Variants in XYLB observed in about 807,000 individuals in gnomAD.
XYLB encodes the protein xylulose kinase.
Under a neutral mutation model 78.7 loss-of-function variants are expected in XYLB, and 62 were observed. The ratio of observed to expected loss-of-function variants is 0.79; its 90% CI spans 0.64 to 0.97. The LOEUF (loss-of-function observed/expected upper bound fraction) is 0.97, where lower values mean the gene tolerates loss of function less well. XYLB is among the 50% of genes least tolerant of loss of function. XYLB has a pLI of 0.00. For synonymous variants in XYLB, 245 were observed against 247.4 expected, an observed-to-expected ratio of 0.99 and a Z score of 0.09; for missense variants, 687 against 676.8, an observed-to-expected ratio of 1.02 and a Z score of -0.17.
chr3:38,444,383 TATC>T, the XYLB span, among the ~76,000 whole-genome samples: 1 of 152,112 alleles, frequency 6.6e-6, no homozygotes, highest in Non-Finnish European at 1.5e-5. Context: ...AGAGGAGGCT[TATC>T]ATTAATAGGA....
At position 38,401,235 on chromosome 3, in the gene XYLB, C is replaced by T. The variant is rs539963808; in HGVS notation, c.1533+250C>T. On this transcript the variant is annotated intron_variant, in intron 18 of 18. Transcript: ENST00000207870. ...TATTTGTATTGCTTCTTATGCCTCA[C>T]GGTGGGCCCTTCCATGTCACTGGGC... 6.2e-4 allele frequency among the ~76,000 whole-genome samples: 95 copies of T among 152,220 alleles called. 1 individual carries two copies. Among genetic ancestry groups the T allele is most frequent in the Non-Finnish European group, 1.2e-3 (83 of 68,018 alleles).
At chr3:38,374,417 C>T (rs1295224890) in intron 10 of XYLB, 45 bp from the exon 11 acceptor site, 1 of 1,613,668 alleles carries the variant, frequency 6.2e-7, no homozygotes, top group Non-Finnish European at 8.5e-7. Flanking sequence ...CTTTGTGGTT[C>T]CCATGTGGCC....
intron 2 of XYLB, among the ~76,000 whole-genome samples, chr3:38,353,230 G>C (rs1282936017): frequency 1.3e-5 from 2 of 152,152 alleles, no homozygotes; most frequent in African/African-American, 4.8e-5. Flanking sequence ...ATCCAGGTAC[G>C]TAGTATGACA....
At chr3:38,430,659 G>C in the XYLB span, among the ~76,000 whole-genome samples, 1 of 152,194 alleles carries the variant, frequency 6.6e-6, no homozygotes, top group African/African-American at 2.4e-5. Flanking sequence ...TATTGCCCAG[G>C]TTTTATTCTA....
At chr3:38,430,531 T>C in the XYLB span, among the ~76,000 whole-genome samples, 12 of 152,344 alleles carry the variant, frequency 7.9e-5, no homozygotes, top group African/African-American at 2.6e-4. Context: ...GGTAGTTTCT[T>C]TTGCTGTGCA....
chr3:38,400,734 C>T (rs1308862779), intron 17 of XYLB, among the ~76,000 whole-genome samples, 157 bp from the exon 18 acceptor site: 1 of 152,128 alleles, frequency 6.6e-6, no homozygotes, highest in African/African-American at 2.4e-5. Flanking sequence ...TTTAAGTGTC[C>T]AATTCATTGA....
At chr3:38,404,625 T>G (rs1708239632) in intron 18 of XYLB, among the ~76,000 whole-genome samples, 2 of 152,156 alleles carry the variant, frequency 1.3e-5, no homozygotes, top group African/African-American at 4.8e-5. Context: ...GAGACCAGCC[T>G]GGCCAACATG....
At chr3:38,397,234 G>A (rs1707911316) in intron 17 of XYLB, 75 bp downstream of exon 17, 1 of 1,371,884 alleles carries the variant, frequency 7.3e-7, no homozygotes, top group Non-Finnish European at 1.0e-6. Context: ...GTGGAAAGGG[G>A]AGAGTGAGGT....
At chr3:38,352,671 T>A (rs1256315629) in intron 2 of XYLB, among the ~76,000 whole-genome samples, 1 of 152,032 alleles carries the variant, frequency 6.6e-6, no homozygotes, top group Non-Finnish European at 1.5e-5. Flanking sequence ...TAGTCATGTG[T>A]GGTGGCGTGC....
intron 16 of XYLB, 126 bp downstream of exon 16, chr3:38,395,689 C>G: frequency 1.0e-6 from 1 of 992,212 alleles, no homozygotes. Flanking sequence ...TCTTAGCTCA[C>G]ACTCCAGGAA....
intron 10 of XYLB, among the ~76,000 whole-genome samples, chr3:38,374,035 A>G (rs1184665912): frequency 6.6e-6 from 1 of 152,074 alleles, no homozygotes; most frequent in Non-Finnish European, 1.5e-5. Context: ...CTTAAAAAAA[A>G]AAAAGATTGC....
At chr3:38,389,458 G>A (rs1034438125) in intron 15 of XYLB, among the ~76,000 whole-genome samples, 10 of 152,098 alleles carry the variant, frequency 6.6e-5, no homozygotes, top group African/African-American at 2.4e-4. Context: ...TGAGCTGTTG[G>A]GTACACCTCC....
At chr3:38,417,234 G>A (rs13092539), downstream of XYLB, among the ~76,000 whole-genome samples, 73,397 of 151,926 alleles carry the variant, frequency 0.48, 19,790 homozygotes, top group Non-Finnish European at 0.61. Context: ...TCAGAAGTTC[G>A]AGACCAGCTT....
chr3:38,348,670 T>G lies in XYLB; in HGVS notation c.140+38T>G, dbSNP rs1381931593. On this transcript the variant is annotated intron_variant, in intron 2 of 18. Coordinates refer to ENST00000207870, the MANE Select transcript of XYLB (RefSeq NM_005108.4). ...TGTGCATGTGTGTGTGATGGGGGTGTTGGTTTTGGGGTCCTCCCGCAAACT... is the reference window on the plus strand; with the variant it reads ...TGTGCATGTGTGTGTGATGGGGGTGGTGGTTTTGGGGTCCTCCCGCAAACT... 5 of 1,604,960 alleles carry G rather than the reference T, an allele frequency of 3.1e-6. No homozygotes were observed. The East Asian group carries it at 1.1e-4, about 36-fold the overall frequency.
intron 16 of XYLB, 74 bp downstream of exon 16, chr3:38,395,637 G>T: frequency 6.7e-7 from 1 of 1,495,924 alleles, no homozygotes; most frequent in East Asian, 2.3e-5. Flanking sequence ...AGACTGGATA[G>T]GAAGGACAGC....
intron 10 of XYLB, among the ~76,000 whole-genome samples, 176 bp from the exon 11 acceptor site, chr3:38,374,286 A>G (rs1353111081): frequency 2.0e-5 from 3 of 152,034 alleles, no homozygotes; most frequent in African/African-American, 4.8e-5. Flanking sequence ...CGTGACCCCT[A>G]TGACCTTCTC....
chr3:38,440,466 C>T, the XYLB span, among the ~76,000 whole-genome samples: 1 of 152,162 alleles, frequency 6.6e-6, no homozygotes, highest in African/African-American at 2.4e-5. Context: ...TACTGAATAC[C>T]CATTGTGTCT....
rs1559600148 is a variant in XYLB, at chr3:38,384,450, T to C, written c.1291+5108T>C. ...TTCCCCAGGAGGATGGCAGTCCTTC[T>C]CTCTTCCCAGACACTGTCTTCACGG... On this transcript the variant is annotated intron_variant, in intron 15 of 18. Transcript: ENST00000207870. 1.3e-5 allele frequency among the ~76,000 whole-genome samples: 2 copies of C among 152,136 alleles called. 1 individual carries two copies. The highest frequency in any genetic ancestry group is 4.2e-4 in the South Asian group (2 of 4,818).
the XYLB span, among the ~76,000 whole-genome samples, chr3:38,434,768 A>C: frequency 6.6e-6 from 1 of 152,356 alleles, no homozygotes; most frequent in Admixed American, 6.5e-5. Flanking sequence ...CAACAATATG[A>C]TAGGAACAAA....
Sources: gnomAD v4.1 joint callset for allele counts (sites outside exome capture counted in the v4.1 genomes callset) on GRCh38, gnomAD v4.1.1 for gene constraint, MANE v1.5 for transcripts, NCBI Gene and HGNC (gene_info 2026-07-23, HGNC 2026-07-21) for gene names.